Variants in PTH2R observed in about 807,000 individuals in gnomAD.
PTH2R encodes parathyroid hormone 2 receptor.
PTH2R carries 59 observed loss-of-function variants against 60.3 expected under a neutral mutation model. The ratio of observed to expected loss-of-function variants is 0.98; its 90% CI spans 0.79 to 1.22. PTH2R has a LOEUF of 1.22. Ranked by LOEUF, PTH2R falls within the 50% of genes most tolerant of loss-of-function variation. PTH2R has a pLI of 0.00. For missense variants in PTH2R, 749 were observed against 682.6 expected, an observed-to-expected ratio of 1.10 and a Z score of -1.08; for synonymous variants, 256 against 243.8, an observed-to-expected ratio of 1.05 and a Z score of -0.47.
At chr2:208,462,883 T>C (rs945164522) in intron 9 of PTH2R, among the ~76,000 whole-genome samples, 1 of 152,146 alleles carries the variant, frequency 6.6e-6, no homozygotes, top group Non-Finnish European at 1.5e-5. Flanking sequence ...CTGAAGGGGC[T>C]TCTAAGCCTC....
At chr2:208,477,322 G>C (rs1351656785) in intron 9 of PTH2R, among the ~76,000 whole-genome samples, 1 of 152,128 alleles carries the variant, frequency 6.6e-6, no homozygotes, top group East Asian at 1.9e-4. Context: ...CGAATGAGTG[G>C]AGAGAGTAAA....
rs77775733 is a variant in PTH2R at position 208,385,674 on chromosome 2, C to T, written c.-259+25437C>T. 3.3e-5 allele frequency among the ~76,000 whole-genome samples: 5 copies of T among 152,342 alleles called. No individual in the cohort carries two copies. The East Asian group carries it at 7.7e-4, about 23-fold the overall frequency. Reference sequence around the variant, plus strand: ...AATTTTTCAATGACGTAGTACCAGACAGTCTCTTAAGTCAAATGTATTTGT... The same window carrying T: ...AATTTTTCAATGACGTAGTACCAGATAGTCTCTTAAGTCAAATGTATTTGT... On this transcript the variant is annotated intron_variant, in intron 1 of 12. Coordinates refer to the PTH2R transcript ENST00000617735.
rs200037845 is a variant in PTH2R at position 208,443,506 on chromosome 2, T to A, written c.668T>A (p.Ile223Asn). The A allele has an allele frequency of 1.3e-5, 21 of 1,610,096 alleles. No homozygotes were observed. Among genetic ancestry groups the A allele is most frequent in the Non-Finnish European group, 1.7e-5 (20 of 1,178,782 alleles). ...ATGCAGGATGACCCACAAAATTCCA[T>A]TGAGGCAACTTCTGTGGACAAATCA... Reference protein sequence around the residue: ...LIMQDDPQNSIEATSVDKSQY... With the variant: ...LIMQDDPQNSNEATSVDKSQY... Residue 223 changes from isoleucine to asparagine, a missense_variant, in exon 6 of 13, where the codon ATT becomes AAT. Transcript: ENST00000272847.
chr2:208,379,192 G>A (rs1160627916), intron 1 of PTH2R, among the ~76,000 whole-genome samples: 1 of 152,004 alleles, frequency 6.6e-6, no homozygotes, highest in Non-Finnish European at 1.5e-5. Flanking sequence ...ATTTTATTTG[G>A]GCAGCAGCTG....
chr2:208,423,786 C>T (rs1215574811), intron 1 of PTH2R, among the ~76,000 whole-genome samples: 6 of 152,040 alleles, frequency 3.9e-5, no homozygotes, highest in Admixed American at 1.3e-4. Flanking sequence ...TTGATGCATA[C>T]GCATTTTTGA....
chr2:208,379,016 C>G (rs894769626), intron 1 of PTH2R, among the ~76,000 whole-genome samples: 36 of 151,682 alleles, frequency 2.4e-4, no homozygotes. Context: ...ACAGTGTTAA[C>G]TGAAGACACA....
At position 208,440,699 on chromosome 2, in the gene PTH2R, C is replaced by T. The variant is rs775125517; in HGVS notation, c.412-1665C>T. On this transcript the variant is annotated intron_variant, in intron 4 of 12. Coordinates refer to ENST00000272847, the MANE Select transcript of PTH2R (RefSeq NM_005048.4). ...TTGAAGGGGACAAAGAGAAAAGAGACAAGCTTTTATACCAATAGCAGACAA... is the reference window on the plus strand; with the variant it reads ...TTGAAGGGGACAAAGAGAAAAGAGATAAGCTTTTATACCAATAGCAGACAA... Among the ~76,000 whole-genome samples the T allele has an allele frequency of 6.0e-4, 92 of 152,288 alleles. 1 individual carries two copies. Among genetic ancestry groups the T allele is most frequent in the Non-Finnish European group, 1.1e-3 (76 of 68,022 alleles).
rs539952208 is a variant in PTH2R, at chr2:208,483,525, C to T, written c.1076+2361C>T. Among the ~76,000 whole-genome samples the T allele has an allele frequency of 6.6e-5, 10 of 152,142 alleles. No homozygotes were observed. In the South Asian group the frequency reaches 1.9e-3, roughly 28 times the overall value. On this transcript the variant is annotated intron_variant, in intron 10 of 12. Coordinates refer to ENST00000272847, the MANE Select transcript of PTH2R (RefSeq NM_005048.4). ...AATTTTGGAGGGAACAAAGGGTGGC[C>T]TATCTTTAAAAATGGATAGAATAGA...
intron 1 of PTH2R, among the ~76,000 whole-genome samples, chr2:208,380,082 C>T (rs1035085214): frequency 1.3e-5 from 2 of 152,086 alleles, no homozygotes; most frequent in African/African-American, 4.8e-5. Flanking sequence ...GCCATGAGGT[C>T]AATGAATAAC....
In PTH2R at chr2:208,488,999, T is replaced by C. The variant is rs1703337835; in HGVS notation, c.1077-13T>C. ...CTAGTTAATGAATGAAAAGACTTGCTGTTCTCCTTTAGGAAACTGGCCAAA... is the reference window on the plus strand; with the variant it reads ...CTAGTTAATGAATGAAAAGACTTGCCGTTCTCCTTTAGGAAACTGGCCAAA... On this transcript the variant is annotated splice_polypyrimidine_tract_variant and intron_variant, in intron 10 of 12. Coordinates refer to ENST00000272847, the MANE Select transcript of PTH2R (RefSeq NM_005048.4). 3 of 1,613,798 alleles carry C rather than the reference T, an allele frequency of 1.9e-6. No individual in the cohort carries two copies. The highest frequency in any genetic ancestry group is 2.5e-6 in the Non-Finnish European group (3 of 1,179,834).
chr2:208,452,284 A>G (rs903164574), intron 8 of PTH2R, among the ~76,000 whole-genome samples: 3 of 152,226 alleles, frequency 2.0e-5, no homozygotes, highest in African/African-American at 7.2e-5. Flanking sequence ...TGTTGTAAGA[A>G]TAAATGAGAT....
At chr2:208,482,476 A>T (rs1175386952) in intron 10 of PTH2R, among the ~76,000 whole-genome samples, 1 of 152,186 alleles carries the variant, frequency 6.6e-6, no homozygotes, top group East Asian at 1.9e-4. Flanking sequence ...ATGGGGATGA[A>T]GTAATTCTTT....
At chr2:208,403,041 T>A (rs188809594), upstream of PTH2R, among the ~76,000 whole-genome samples, 3 of 152,346 alleles carry the variant, frequency 2.0e-5, 1 homozygote, top group African/African-American at 7.2e-5. Context: ...GATATTTTAG[T>A]TTATGTATCT....
intron 10 of PTH2R, among the ~76,000 whole-genome samples, chr2:208,484,964 C>A (rs1379753650): frequency 6.6e-6 from 1 of 152,040 alleles, no homozygotes; most frequent in Non-Finnish European, 1.5e-5. Context: ...CCTCCTTGAA[C>A]CCCCAATTTA....
rs1233513383 is a variant in PTH2R, at chr2:208,432,056, A to G, written c.178+3753A>G. On this transcript the variant is annotated intron_variant, in intron 2 of 12. Transcript: ENST00000272847. ...ACTTCTAAAGAATGCTGATCCTAAT[A>G]TCTTAGATATGGAAATCTACTAACA... Among the ~76,000 whole-genome samples the G allele has an allele frequency of 2.6e-5, 4 of 152,230 alleles. No homozygotes were observed. The East Asian group carries it at 7.7e-4, about 29-fold the overall frequency.
intron 1 of PTH2R, among the ~76,000 whole-genome samples, chr2:208,408,234 A>T (rs1701458153): frequency 6.6e-6 from 1 of 152,216 alleles, no homozygotes; most frequent in Non-Finnish European, 1.5e-5. Flanking sequence ...TACATTGACT[A>T]ATAATATTAG....
At chr2:208,366,098 G>T (rs1309710106) in intron 1 of PTH2R, among the ~76,000 whole-genome samples, 3 of 146,068 alleles carry the variant, frequency 2.1e-5, no homozygotes, top group Non-Finnish European at 4.5e-5. Flanking sequence ...GGGATTACAG[G>T]CATGAGCCAC....
intron 2 of PTH2R, among the ~76,000 whole-genome samples, chr2:208,430,470 T>C (rs756150461): frequency 7.2e-5 from 11 of 152,084 alleles, no homozygotes; most frequent in Non-Finnish European, 1.6e-4. Flanking sequence ...CATTTTTTTT[T>C]TTTCTAGCTT....
At chr2:208,386,605 A>G (rs750090481) in intron 1 of PTH2R, among the ~76,000 whole-genome samples, 2 of 152,210 alleles carry the variant, frequency 1.3e-5, no homozygotes, top group Admixed American at 6.5e-5. Context: ...TGTGTGGCTT[A>G]AACGGCAGAC....
Sources: gnomAD v4.1 joint callset for allele counts (sites outside exome capture counted in the v4.1 genomes callset) on GRCh38, gnomAD v4.1.1 for gene constraint, MANE v1.5 for transcripts, NCBI Gene and HGNC (gene_info 2026-07-23, HGNC 2026-07-21) for gene names.